Variants in WDFY4 observed in about 807,000 individuals in gnomAD.
WDFY4 encodes WD repeat- and FYVE domain-containing protein 4.
In WDFY4, 169 loss-of-function variants were observed where a neutral mutation model predicts 351.9. That is an observed-to-expected ratio of 0.48 (90% CI 0.42 to 0.55). WDFY4 has a LOEUF of 0.55. Ranked by LOEUF, WDFY4 falls within the 20% of genes least tolerant of loss-of-function variation. WDFY4 has a pLI of 0.00. For missense variants in WDFY4, 3,803 were observed against 3,935.6 expected, an observed-to-expected ratio of 0.97 and a Z score of 0.90; for synonymous variants, 1,622 against 1,574.6, an observed-to-expected ratio of 1.03 and a Z score of -0.71.
chr10:48,924,452 T>A (rs1839397173), intron 47 of WDFY4, among the ~76,000 whole-genome samples: 1 of 152,120 alleles, frequency 6.6e-6, no homozygotes, highest in South Asian at 2.1e-4. Flanking sequence ...AAGCTGATAG[T>A]TATAGGGAGA....
intron 23 of WDFY4, among the ~76,000 whole-genome samples, chr10:48,794,266 T>G (rs2066780817): frequency 6.6e-6 from 1 of 152,046 alleles, no homozygotes; most frequent in Admixed American, 6.5e-5. Flanking sequence ...TGAGATAGAA[T>G]CTGACCTAAT....
At chr10:48,845,574 G>A (rs1242216269) in intron 39 of WDFY4, among the ~76,000 whole-genome samples, 1 of 152,182 alleles carries the variant, frequency 6.6e-6, no homozygotes, top group African/African-American at 2.4e-5. Flanking sequence ...GTGAGGAAGA[G>A]CCCCCTCCAG....
intron 47 of WDFY4, among the ~76,000 whole-genome samples, chr10:48,940,449 A>G (rs930200627): frequency 6.6e-6 from 1 of 152,212 alleles, no homozygotes; most frequent in African/African-American, 2.4e-5. Flanking sequence ...TGGAGAGCCC[A>G]GGACAGAAGA....
At chr10:48,793,862 G>C (rs776071228) in intron 23 of WDFY4, among the ~76,000 whole-genome samples, 4 of 152,228 alleles carry the variant, frequency 2.6e-5, no homozygotes, top group African/African-American at 4.8e-5. Flanking sequence ...TTGGGTGGGA[G>C]AGCATAAACC....
At chr10:48,807,817 C>T (rs1452102829) in intron 27 of WDFY4, 42 bp from the exon 28 acceptor site, 6 of 1,539,642 alleles carry the variant, frequency 3.9e-6, no homozygotes, top group Non-Finnish European at 4.4e-6. Context: ...TATTATGTCT[C>T]TTTACATCCA....
chr10:48,732,789 T>C (rs929556847), intron 9 of WDFY4, among the ~76,000 whole-genome samples: 1 of 152,202 alleles, frequency 6.6e-6, no homozygotes, highest in Non-Finnish European at 1.5e-5. Flanking sequence ...ATAGTTCCAG[T>C]GCTACTGCCA....
rs569037364 is a variant in WDFY4, at chr10:48,898,020, G to A, written c.7437+446G>A. Among the ~76,000 whole-genome samples the A allele has an allele frequency of 4.6e-5, 7 of 152,112 alleles. No individual in the cohort carries two copies. In the South Asian group the frequency reaches 6.2e-4, roughly 14 times the overall value. ...CTCCCCCTTTCTCCCCAAGGTGCTC[G>A]CCTATTGCCAAGCTCCTGCTTGGCC... On this transcript the variant is annotated intron_variant, in intron 45 of 61. Coordinates refer to ENST00000325239, the MANE Select transcript of WDFY4 (RefSeq NM_001394531.1).
intron 48 of WDFY4, among the ~76,000 whole-genome samples, chr10:48,942,787 G>A (rs533621993): frequency 9.7e-4 from 147 of 152,268 alleles, no homozygotes; most frequent in Non-Finnish European, 1.6e-3. Flanking sequence ...TTCCCAATAC[G>A]GGCCCTGTCT....
chr10:48,740,517 A>C (rs1015223822), intron 11 of WDFY4, among the ~76,000 whole-genome samples: 1 of 152,242 alleles, frequency 6.6e-6, no homozygotes, highest in African/African-American at 2.4e-5. Context: ...GCCTTGCCCA[A>C]CTTAAGCCAT....
At chr10:48,781,040 A>G (rs956553581) in intron 19 of WDFY4, among the ~76,000 whole-genome samples, 1 of 152,130 alleles carries the variant, frequency 6.6e-6, no homozygotes, top group Non-Finnish European at 1.5e-5. Flanking sequence ...CCCAGTTGTG[A>G]CCACCAGTAA....
At chr10:48,793,672 G>A (rs1039339348) in intron 23 of WDFY4, among the ~76,000 whole-genome samples, 3 of 152,168 alleles carry the variant, frequency 2.0e-5, no homozygotes, top group Non-Finnish European at 4.4e-5. Context: ...CTTCATAAGA[G>A]CGTGTGTCCG....
intron 47 of WDFY4, among the ~76,000 whole-genome samples, chr10:48,926,919 A>G (rs1564495875): frequency 6.6e-6 from 1 of 152,208 alleles, no homozygotes; most frequent in East Asian, 1.9e-4. Context: ...GGCCCAACGC[A>G]GTGTGAACGC....
At chr10:48,691,179 T>C (rs1481254599) in intron 1 of WDFY4, among the ~76,000 whole-genome samples, 1 of 152,022 alleles carries the variant, frequency 6.6e-6, no homozygotes. Context: ...TTGCCAAGGC[T>C]GTCAGGACCC....
intron 39 of WDFY4, among the ~76,000 whole-genome samples, chr10:48,836,797 C>G (rs1298544737): frequency 6.6e-6 from 1 of 152,160 alleles, no homozygotes; most frequent in Non-Finnish European, 1.5e-5. Context: ...CTTGGACTCC[C>G]TTGAGGCCAC....
intron 39 of WDFY4, among the ~76,000 whole-genome samples, chr10:48,860,328 T>G (rs1276545807): frequency 6.6e-6 from 1 of 152,214 alleles, no homozygotes; most frequent in Non-Finnish European, 1.5e-5. Flanking sequence ...GCTGGCTTAT[T>G]TCTGACAGTT....
chr10:48,806,139 AC>A, intron 27 of WDFY4, 44 bp downstream of exon 27: 1 of 1,536,346 alleles, frequency 6.5e-7, no homozygotes, highest in Non-Finnish European at 8.8e-7. Flanking sequence ...GACGGCCCTC[AC>A]GGAACCCCTG....
chr10:48,941,752 T>C, intron 47 of WDFY4, 54 bp from the exon 48 acceptor site: 10 of 1,536,198 alleles, frequency 6.5e-6, no homozygotes, highest in Non-Finnish European at 8.8e-6. Context: ...CTCTCCCCTG[T>C]TTGTATTCTT....
chr10:48,786,874 T>C lies in WDFY4; in HGVS notation c.3808+4T>C. On this transcript the variant is annotated splice_donor_region_variant and intron_variant, in intron 20 of 61. Transcript: ENST00000325239. ...TTCCAAGCTGTGCATGTCCAAGGTATGGAGTGTTTTGATTTACAATGTTCT... is the reference window on the plus strand; with the variant it reads ...TTCCAAGCTGTGCATGTCCAAGGTACGGAGTGTTTTGATTTACAATGTTCT... 1 of 1,549,412 alleles carries C rather than the reference T, an allele frequency of 6.5e-7. No homozygotes were observed. Among genetic ancestry groups the C allele is most frequent in the Non-Finnish European group, 8.7e-7 (1 of 1,145,262 alleles).
Position 48,723,415 on chromosome 10 carries a change from T to C in WDFY4, c.457-18T>C. The C allele has an allele frequency of 6.5e-7, 1 of 1,548,620 alleles. No homozygotes were observed. Among genetic ancestry groups the C allele is most frequent in the East Asian group, 2.4e-5 (1 of 40,888 alleles). Reference sequence around the variant, plus strand: ...TGCTGCCTTGCTGCCTGGGGTCACGTGTGCTCTTCTCTTGCAGGAGACGCT... The same window carrying C: ...TGCTGCCTTGCTGCCTGGGGTCACGCGTGCTCTTCTCTTGCAGGAGACGCT... On this transcript the variant is annotated intron_variant, in intron 4 of 61. Transcript: ENST00000325239.
Sources: gnomAD v4.1 joint callset for allele counts (sites outside exome capture counted in the v4.1 genomes callset) on GRCh38, gnomAD v4.1.1 for gene constraint, MANE v1.5 for transcripts, NCBI Gene and HGNC (gene_info 2026-07-23, HGNC 2026-07-21) for gene names.